Variants in TTC6 observed in about 807,000 individuals in gnomAD.
TTC6 encodes the protein tetratricopeptide repeat domain 6.
In TTC6, 172 loss-of-function variants were observed where a neutral mutation model predicts 210.4. The ratio of observed to expected loss-of-function variants is 0.82; its 90% CI spans 0.72 to 0.93. The LOEUF (loss-of-function observed/expected upper bound fraction) is 0.93. TTC6 is among the 40% of genes least tolerant of loss of function. The pLI, the probability that TTC6 is intolerant of heterozygous loss-of-function variation, is 0.00. For synonymous variants in TTC6, 804 were observed against 819.6 expected, an observed-to-expected ratio of 0.98 and a Z score of 0.32; for missense variants, 2,414 against 2,318.1, an observed-to-expected ratio of 1.04 and a Z score of -0.85.
chr14:37,660,895 G>A (rs537887259), intron 1 of TTC6, among the ~76,000 whole-genome samples: 38 of 152,236 alleles, frequency 2.5e-4, no homozygotes, highest in African/African-American at 7.9e-4. Context: ...GCATGAGATG[G>A]TATCTTATTG....
In TTC6 at chr14:37,819,093, T is replaced by C. The variant is rs149460755; in HGVS notation, c.4763+1442T>C. Among the ~76,000 whole-genome samples, 924 of 152,236 alleles carry C rather than the reference T, an allele frequency of 6.1e-3. 7 individuals are homozygous for C. Among genetic ancestry groups the C allele is most frequent in the African/African-American group, 0.017 (699 of 41,546 alleles). ...CTGCTTTGCAATTCCAAATAACCAA[T>C]TTTCATAACCCAACTAGAATCTCTA... On this transcript the variant is annotated intron_variant, in intron 26 of 30. Coordinates refer to ENST00000553443, the Ensembl canonical transcript of TTC6.
At chr14:37,819,480 G>A (rs114937967) in intron 26 of TTC6, among the ~76,000 whole-genome samples, 23 of 152,108 alleles carry the variant, frequency 1.5e-4, no homozygotes, top group African/African-American at 5.3e-4. Context: ...TATATCTCTG[G>A]TTCTCACTCT....
chr14:37,836,818 G>T (rs755609848), intron 29 of TTC6, among the ~76,000 whole-genome samples: 1 of 151,982 alleles, frequency 6.6e-6, no homozygotes, highest in African/African-American at 2.4e-5. Flanking sequence ...TAGGAGGAAG[G>T]GTCCCTCATC....
chr14:37,767,378 G>T (rs1204437449), intron 14 of TTC6, among the ~76,000 whole-genome samples: 2 of 152,196 alleles, frequency 1.3e-5, no homozygotes, highest in East Asian at 1.9e-4. Flanking sequence ...TCGCCACACT[G>T]ACTTCCACAA....
intron 29 of TTC6, among the ~76,000 whole-genome samples, chr14:37,836,498 A>G (rs2096198166): frequency 6.6e-6 from 1 of 152,226 alleles, no homozygotes; most frequent in Non-Finnish European, 1.5e-5. Context: ...CATCATGTAG[A>G]AAAGTATTTG....
At chr14:37,806,362 C>T (rs979837927) in exon 22 of TTC6, 2 of 1,534,878 alleles carry the variant, frequency 1.3e-6, no homozygotes, top group Non-Finnish European at 8.7e-7. Flanking sequence ...CTCCTGTAGG[C>T]TTTTGATTCT....
intron 1 of TTC6, among the ~76,000 whole-genome samples, chr14:37,672,450 A>G (rs535676327): frequency 6.6e-6 from 1 of 152,306 alleles, no homozygotes; most frequent in Admixed American, 6.5e-5. Flanking sequence ...TAACTAACTG[A>G]AACTTCTTCA....
chr14:37,652,312 A>G (rs1404585724), intron 1 of TTC6, among the ~76,000 whole-genome samples: 2 of 152,246 alleles, frequency 1.3e-5, no homozygotes, highest in African/African-American at 2.4e-5. Flanking sequence ...ACACCCGATC[A>G]GAGAATAATT....
At chr14:37,708,804 C>G (rs1298909493) in intron 5 of TTC6, among the ~76,000 whole-genome samples, 1 of 152,024 alleles carries the variant, frequency 6.6e-6, no homozygotes, top group East Asian at 1.9e-4. Context: ...TTGTTCCCTC[C>G]TAGGAACTGA....
exon 13 of TTC6, chr14:37,751,122 C>T (rs1354249380): frequency 6.5e-7 from 1 of 1,532,406 alleles, no homozygotes; most frequent in South Asian, 1.2e-5. Context: ...CTAAACTATA[C>T]CCAGGCAATT....
chr14:37,787,769 G>A (rs940828581), intron 15 of TTC6, 132 bp downstream of exon 17: 4 of 606,022 alleles, frequency 6.6e-6, no homozygotes, highest in South Asian at 6.4e-5. Context: ...TACATTATAA[G>A]TATATATTAC....
At chr14:37,635,848 G>A (rs2095679174) in intron 1 of TTC6, among the ~76,000 whole-genome samples, 1 of 151,770 alleles carries the variant, frequency 6.6e-6, no homozygotes, top group African/African-American at 2.4e-5. Flanking sequence ...GTGTGGTGGT[G>A]CATGCCTGTA....
chr14:37,786,102 A>G (rs1236946912), intron 14 of TTC6, among the ~76,000 whole-genome samples: 1 of 152,288 alleles, frequency 6.6e-6, no homozygotes, highest in Non-Finnish European at 1.5e-5. Flanking sequence ...CAGTCTGTCC[A>G]TTCTCAGATC....
At chr14:37,782,510 G>A (rs1416672217) in intron 14 of TTC6, among the ~76,000 whole-genome samples, 1 of 152,022 alleles carries the variant, frequency 6.6e-6, no homozygotes, top group Non-Finnish European at 1.5e-5. Flanking sequence ...TTGCTTATCA[G>A]CTTAAGGAGA....
chr14:37,751,483 A>G (rs2095951819), intron 13 of TTC6, among the ~76,000 whole-genome samples: 1 of 152,196 alleles, frequency 6.6e-6, no homozygotes, highest in Non-Finnish European at 1.5e-5. Flanking sequence ...TAGGGGGCCC[A>G]GCTTTTCCAG....
chr14:37,658,422 G>A (rs941083538), intron 1 of TTC6, among the ~76,000 whole-genome samples: 12 of 152,154 alleles, frequency 7.9e-5, no homozygotes, highest in Non-Finnish European at 8.8e-5. Context: ...TTACTTGAAA[G>A]TGTGTGTGAG....
chr14:37,633,023 A>G (rs1040518649), intron 1 of TTC6, among the ~76,000 whole-genome samples: 3 of 152,222 alleles, frequency 2.0e-5, no homozygotes, highest in Non-Finnish European at 4.4e-5. Context: ...TGCTGGCAGC[A>G]AGAATTTTAA....
rs568905781 is a variant in TTC6 at position 37,698,043 on chromosome 14, A to G, written c.1376+1208A>G. On this transcript the variant is annotated intron_variant, in intron 4 of 30. Coordinates refer to ENST00000553443, the Ensembl canonical transcript of TTC6. ...ATTTGTAGATCTTGTTGATATATAT[A>G]TATTACTGCTTTAATTCATTAAAAC... is the stretch of plus-strand genomic sequence containing the variant. 2.0e-5 allele frequency among the ~76,000 whole-genome samples: 3 copies of G among 152,254 alleles called. No individual in the cohort carries two copies. The South Asian group carries it at 6.2e-4, about 32-fold the overall frequency.
Position 37,751,238 on chromosome 14 carries a change from A to G in TTC6, c.3129+13A>G. 2.0e-6 allele frequency: 3 copies of G among 1,510,850 alleles called. No individual in the cohort carries two copies. The South Asian group carries it at 3.8e-5, about 19-fold the overall frequency. 93.6% of individuals were successfully genotyped at this position (1,510,850 alleles called of 1,614,324 possible). On this transcript the variant is annotated intron_variant, in intron 13 of 30. Coordinates refer to ENST00000553443, the Ensembl canonical transcript of TTC6. ...TGACTTTTCGAAAGTAAGCTTTATC[A>G]CATATAATTCTACCATTTATATAGT...
Sources: allele counts gnomAD v4.1 joint callset (sites outside exome capture counted in the v4.1 genomes callset), GRCh38; gene constraint gnomAD v4.1.1; transcripts MANE v1.5; gene names NCBI Gene and HGNC (gene_info 2026-07-23, HGNC 2026-07-21).